ZMYM4: variants seen among roughly 807,000 people sequenced by gnomAD.
ZMYM4 encodes the protein zinc finger MYM-type containing 4.
In ZMYM4, 31 loss-of-function variants were observed where a neutral mutation model predicts 183.2. The observed-to-expected ratio is 0.17, with a 90% CI of 0.13 to 0.23. The LOEUF is 0.23. ZMYM4 is among the 10% of genes least tolerant of loss of function. The pLI, the probability that ZMYM4 is intolerant of heterozygous loss-of-function variation, is 1.00. For synonymous variants in ZMYM4, 592 were observed against 631.2 expected, an observed-to-expected ratio of 0.94 and a Z score of 0.93; for missense variants, 1,273 against 1,840.3, an observed-to-expected ratio of 0.69 and a Z score of 5.64.
rs185818710 is a variant in ZMYM4 at position 35,412,131 on chromosome 1, A to G, written c.3949-1841A>G. 7.3e-3 allele frequency among the ~76,000 whole-genome samples: 1,113 copies of G among 151,452 alleles called. 12 individuals carry two copies. Among genetic ancestry groups the G allele is most frequent in the African/African-American group, 0.026 (1,067 of 41,208 alleles). On this transcript the variant is annotated intron_variant, in intron 26 of 29. Coordinates refer to ENST00000314607, the MANE Select transcript of ZMYM4 (RefSeq NM_005095.3). ...CCTGACCTTGTGATCCGCCCGCCTT[A>G]GCCTCCCAAAGTGCTGGGATTACAG...
intron 1 of ZMYM4, among the ~76,000 whole-genome samples, chr1:35,324,346 C>G (rs1642418965): frequency 6.6e-6 from 1 of 152,260 alleles, no homozygotes; most frequent in Admixed American, 6.5e-5. Flanking sequence ...ATCCGCCCAC[C>G]TCAGCCTCCC....
chr1:35,278,318 T>C (rs896328509), intron 1 of ZMYM4, among the ~76,000 whole-genome samples: 6 of 152,088 alleles, frequency 3.9e-5, no homozygotes, highest in African/African-American at 1.4e-4. Flanking sequence ...TTTAATACAC[T>C]ACAGTTCTTT....
At chr1:35,328,662 T>C (rs1197119524) in intron 2 of ZMYM4, among the ~76,000 whole-genome samples, 1 of 151,964 alleles carries the variant, frequency 6.6e-6, no homozygotes, top group South Asian at 2.1e-4. Flanking sequence ...TTATCTCCCC[T>C]TTTCTGGTAG....
chr1:35,275,988 C>T (rs1466642737), intron 1 of ZMYM4, among the ~76,000 whole-genome samples: 3 of 152,084 alleles, frequency 2.0e-5, no homozygotes, highest in African/African-American at 4.8e-5. Flanking sequence ...ATCTTTCTGG[C>T]CTCCTAGAAG....
intron 2 of ZMYM4, among the ~76,000 whole-genome samples, chr1:35,336,107 T>C (rs1642965226): frequency 6.6e-6 from 1 of 152,150 alleles, no homozygotes; most frequent in South Asian, 2.1e-4. Context: ...CCCCTCTTCA[T>C]CCCCTGGCAA....
At chr1:35,377,049 G>A (rs1205797390) in intron 7 of ZMYM4, among the ~76,000 whole-genome samples, 1 of 152,034 alleles carries the variant, frequency 6.6e-6, no homozygotes, top group Non-Finnish European at 1.5e-5. Flanking sequence ...TGGGACTACA[G>A]GCGCATGCCA....
chr1:35,272,150 A>G (rs995626057), intron 1 of ZMYM4, among the ~76,000 whole-genome samples: 8 of 152,188 alleles, frequency 5.3e-5, no homozygotes, highest in Non-Finnish European at 8.8e-5. Context: ...AATGGGGACT[A>G]TGCAGTACCA....
At position 35,418,519 on chromosome 1, in the gene ZMYM4, T is replaced by C. The variant is rs1367742304; in HGVS notation, c.4386T>C (p.Thr1462=). ...TGGGGGTGGAGATGGCAGAGAATAC[T>C]GACAATCCACTAAGATGCCCAGTCC... ...VPVGVEMAEN[T]DNPLRCPVRL... is the part of the protein sequence containing the mutation. Residue 1462 remains threonine, a synonymous_variant, in exon 29 of 30, where the codon ACT becomes ACC. Transcript: ENST00000314607. 2.5e-6 allele frequency: 4 copies of C among 1,614,186 alleles called. No individual in the cohort carries two copies. In the South Asian group the frequency reaches 4.4e-5, roughly 18 times the overall value.
At chr1:35,279,489 C>T (rs1457156370) in intron 1 of ZMYM4, among the ~76,000 whole-genome samples, 3 of 152,174 alleles carry the variant, frequency 2.0e-5, no homozygotes, top group African/African-American at 4.8e-5. Context: ...TGTCCAGCCA[C>T]GTGGCCTGCT....
chr1:35,291,351 GGC>G (rs1640752330), intron 1 of ZMYM4, among the ~76,000 whole-genome samples: 2 of 151,558 alleles, frequency 1.3e-5, no homozygotes, highest in African/African-American at 4.8e-5. Flanking sequence ...TCATATTTCT[GGC>G]CTGAAGTGAC....
intron 1 of ZMYM4, among the ~76,000 whole-genome samples, chr1:35,300,898 CATT>C (rs111823501): frequency 1.3e-4 from 20 of 152,246 alleles, no homozygotes; most frequent in African/African-American, 4.8e-4. Context: ...TAACCTTTCT[CATT>C]ATAAATTGGC....
chr1:35,364,481 C>G (rs1462587808), intron 5 of ZMYM4, among the ~76,000 whole-genome samples: 1 of 152,130 alleles, frequency 6.6e-6, no homozygotes, highest in Non-Finnish European at 1.5e-5. Context: ...TTTTCCACAC[C>G]CGTCTCCACC....
Position 35,325,547 on chromosome 1 carries a change from G to A in ZMYM4, c.85+142G>A, listed in dbSNP as rs111972374. ...TCTGATTTAGTCTAGATCTCATCAC[G>A]TACTGTTCTTTCAGCAGGTTAATCT... On this transcript the variant is annotated intron_variant, in intron 2 of 29. Transcript: ENST00000314607. 79 of 614,982 alleles carry A rather than the reference G, an allele frequency of 1.3e-4. 2 individuals are homozygous for A. Among genetic ancestry groups the A allele is most frequent in the East Asian group, 9.0e-4 (27 of 30,162 alleles). The allele number at this position is 614,982 out of a possible 1,614,324, so 38.1% of individuals were successfully genotyped here.
rs567836880 is a variant in ZMYM4 at position 35,342,083 on chromosome 1, T to C, written c.85+16678T>C. 3.3e-5 allele frequency among the ~76,000 whole-genome samples: 5 copies of C among 152,338 alleles called. No homozygotes were observed. In the South Asian group the frequency reaches 1.0e-3, roughly 32 times the overall value. On this transcript the variant is annotated intron_variant, in intron 2 of 29. Coordinates refer to ENST00000314607, the MANE Select transcript of ZMYM4 (RefSeq NM_005095.3). ...TTCTGAATTCACTTTCTTTAATAGA[T>C]ACAGCATTTAAAGAATTTTATATTT...
intron 2 of ZMYM4, among the ~76,000 whole-genome samples, chr1:35,343,740 C>T (rs371786073): frequency 2.0e-5 from 3 of 152,052 alleles, no homozygotes; most frequent in African/African-American, 7.2e-5. Context: ...TGACGGGCAC[C>T]TGTAATCCCA....
At chr1:35,269,391 A>T (rs1054139799) in intron 1 of ZMYM4, among the ~76,000 whole-genome samples, 1 of 26,432 alleles carries the variant, frequency 3.8e-5, no homozygotes, top group African/African-American at 5.3e-5. Flanking sequence ...TCTTAAGTGC[A>T]TCTTTAGTGC....
chr1:35,281,542 A>G (rs926621280), intron 1 of ZMYM4, among the ~76,000 whole-genome samples: 1 of 152,002 alleles, frequency 6.6e-6, no homozygotes, highest in Non-Finnish European at 1.5e-5. Context: ...GGTGATGGAT[A>G]TGCTAATTTG....
intron 2 of ZMYM4, among the ~76,000 whole-genome samples, chr1:35,344,399 G>C (rs1409995735): frequency 6.6e-6 from 1 of 152,000 alleles, no homozygotes; most frequent in African/African-American, 2.4e-5. Context: ...TGAGAGGAGA[G>C]ATTTTTAACT....
chr1:35,276,565 A>G (rs1352446118), intron 1 of ZMYM4, among the ~76,000 whole-genome samples: 2 of 152,060 alleles, frequency 1.3e-5, no homozygotes, highest in Non-Finnish European at 2.9e-5. Flanking sequence ...CATTTAGTTT[A>G]TATGTTTCTT....
Sources: gnomAD v4.1 joint callset for allele counts (sites outside exome capture counted in the v4.1 genomes callset) on GRCh38, gnomAD v4.1.1 for gene constraint, MANE v1.5 for transcripts, NCBI Gene and HGNC (gene_info 2026-07-23, HGNC 2026-07-21) for gene names.